The following ASXL2 variants were observed in gnomAD, a reference collection of about 807,000 sequenced individuals.
ASXL2 encodes the protein putative Polycomb group protein ASXL2.
Under a neutral mutation model 122.0 loss-of-function variants are expected in ASXL2, and 23 were observed. The observed-to-expected ratio is 0.19, with a 90% CI of 0.14 to 0.27. The LOEUF (loss-of-function observed/expected upper bound fraction) is 0.27. ASXL2 is among the 10% of genes least tolerant of loss of function. The pLI is 1.00. For synonymous variants in ASXL2, 650 were observed against 637.0 expected (o/e 1.02, Z -0.31); for missense variants, 1,518 against 1,713.8 (o/e 0.89, Z 2.02).
chr2:25,784,791 T>C (rs1024424466), intron 5 of ASXL2, among the ~76,000 whole-genome samples: 3 of 152,226 alleles, frequency 2.0e-5, no homozygotes, highest in Non-Finnish European at 2.9e-5. Context: ...CCCACCCTAC[T>C]ACAGTATGAC....
intron 9 of ASXL2, among the ~76,000 whole-genome samples, chr2:25,756,465 GAAAAAAAAAAGAA>G (rs980738562): frequency 6.6e-5 from 6 of 91,420 alleles, no homozygotes; most frequent in South Asian, 3.7e-4. Context: ...AAAAAAAAAA[GAAAAAAAAAAGAA>G]AAAAAAAAAA....
intron 5 of ASXL2, among the ~76,000 whole-genome samples, chr2:25,791,384 G>C (rs944536764): frequency 6.6e-6 from 1 of 151,892 alleles, no homozygotes; most frequent in Non-Finnish European, 1.5e-5. Context: ...CTACTCAGGA[G>C]GCTGAGGCAG....
chr2:25,740,548 G>T lies in ASXL2; in HGVS notation c.*1481C>A. The T allele has an allele frequency of 4.4e-6, 1 of 228,978 alleles. No individual in the cohort carries two copies. 14.2% of individuals were successfully genotyped at this position (228,978 alleles called of 1,614,324 possible). On this transcript the variant is annotated 3_prime_UTR_variant, in exon 13 of 13. Transcript: ENST00000435504. ...AATACAAAATTCTGTTAAACTGCAGGTTTATTTTAATGTTCCTTAACCATG... is the reference window on the plus strand; with the variant it reads ...AATACAAAATTCTGTTAAACTGCAGTTTTATTTTAATGTTCCTTAACCATG...
intron 3 of ASXL2, among the ~76,000 whole-genome samples, chr2:25,826,534 A>G (rs186091388): frequency 2.0e-5 from 3 of 152,272 alleles, no homozygotes; most frequent in Admixed American, 2.0e-4. Context: ...TCCTAGAGAT[A>G]TTCTCCCTTG....
chr2:25,834,785 T>C (rs1339292418), intron 3 of ASXL2, among the ~76,000 whole-genome samples: 12 of 152,124 alleles, frequency 7.9e-5, no homozygotes, highest in Admixed American at 7.9e-4. Context: ...TTTTAACCCA[T>C]TCTGCCCTGG....
In ASXL2 at chr2:25,738,864, CTTA is replaced by C. The variant is rs1377395416; in HGVS notation, c.*3162_*3164del. The C allele has an allele frequency of 6.6e-6, 1 of 152,158 alleles. No homozygotes were observed. The highest frequency in any genetic ancestry group is 2.4e-5 in the African/African-American group (1 of 41,428). 9.4% of individuals were successfully genotyped at this position (152,158 alleles called of 1,614,324 possible). ...ACCCCAAGTTTCCCATTTGCCAGCT[CTTA>C]TTCTTAGAAATGTTACATGAAATAC... is the stretch of plus-strand genomic sequence containing the variant. On this transcript the variant is annotated 3_prime_UTR_variant, in exon 13 of 13. Transcript: ENST00000435504.
At position 25,737,976 on chromosome 2, in the gene ASXL2, CTTG is replaced by C. The variant is rs1206607230; in HGVS notation, c.*4050_*4052del. ...TTACAGCCAGAAGGGAAAAAAATAG[CTTG>C]TGGTAAATAAGTCAATTTTCTTTTA... On this transcript the variant is annotated 3_prime_UTR_variant, in exon 13 of 13. Coordinates refer to ENST00000435504, the MANE Select transcript of ASXL2 (RefSeq NM_018263.6). 1 of 152,090 alleles carries C rather than the reference CTTG, an allele frequency of 6.6e-6. No homozygotes were observed. Among genetic ancestry groups the C allele is most frequent in the Non-Finnish European group, 1.5e-5 (1 of 68,000 alleles). The allele number at this position is 152,090 out of a possible 1,614,324, so 9.4% of individuals were successfully genotyped here.
At chr2:25,769,242 C>T (rs935311317) in intron 6 of ASXL2, among the ~76,000 whole-genome samples, 1 of 152,082 alleles carries the variant, frequency 6.6e-6, no homozygotes, top group African/African-American at 2.4e-5. Context: ...AGAGACAGTA[C>T]GTTTTCAATC....
chr2:25,758,164 T>C (rs940954450), intron 9 of ASXL2, among the ~76,000 whole-genome samples: 3 of 152,246 alleles, frequency 2.0e-5, no homozygotes, highest in African/African-American at 7.2e-5. Flanking sequence ...TCCTTTGACA[T>C]GTTCTGATTC....
At chr2:25,808,982 G>A (rs1370431456) in intron 3 of ASXL2, among the ~76,000 whole-genome samples, 1 of 152,178 alleles carries the variant, frequency 6.6e-6, no homozygotes, top group Non-Finnish European at 1.5e-5. Flanking sequence ...CAAACCCAAA[G>A]AAGCAAAGCT....
intron 11 of ASXL2, among the ~76,000 whole-genome samples, chr2:25,751,928 C>T (rs1276852519): frequency 6.6e-6 from 1 of 152,002 alleles, no homozygotes; most frequent in East Asian, 1.9e-4. Context: ...CACCACTACA[C>T]CCAGCTAATT....
chr2:25,765,100 T>C (rs2088320896), intron 8 of ASXL2, among the ~76,000 whole-genome samples: 2 of 152,228 alleles, frequency 1.3e-5, no homozygotes, highest in African/African-American at 2.4e-5. Context: ...ATAAAAATGA[T>C]ACCAATGTCA....
At chr2:25,867,752 C>T (rs527355008) in intron 1 of ASXL2, among the ~76,000 whole-genome samples, 22 of 152,212 alleles carry the variant, frequency 1.4e-4, no homozygotes, top group Non-Finnish European at 3.1e-4. Flanking sequence ...CTACACAACA[C>T]TCACAGGTTA....
intron 1 of ASXL2, chr2:25,856,529 T>A: frequency 8.9e-7 from 1 of 1,122,586 alleles, no homozygotes. Context: ...GCCTCCTCAA[T>A]CCTCAAATGA....
At position 25,744,739 on chromosome 2, in the gene ASXL2, CA is replaced by C. The variant is rs1390663858; in HGVS notation, c.1861-264del. ...AATCCCCACACCTCTTTTCCTATCT[CA>C]ACTCCCTCCTAATGCCACTATTACA... is the stretch of plus-strand genomic sequence containing the variant. On this transcript the variant is annotated intron_variant, in intron 12 of 12. Transcript: ENST00000435504. The surrounding 1 kb of genome is among the most constrained non-coding windows in gnomAD (Gnocchi z 4.7). Among the ~76,000 whole-genome samples, 1 of 152,192 alleles carries C rather than the reference CA, an allele frequency of 6.6e-6. No individual in the cohort carries two copies. The highest frequency in any genetic ancestry group is 2.4e-5 in the African/African-American group (1 of 41,454).
At chr2:25,818,313 A>T (rs376562907) in intron 3 of ASXL2, among the ~76,000 whole-genome samples, 3 of 152,240 alleles carry the variant, frequency 2.0e-5, no homozygotes, top group African/African-American at 7.2e-5. Context: ...GATCGAGATC[A>T]GCCTGGCCAA....
At chr2:25,809,809 G>A (rs2089139253) in intron 3 of ASXL2, 2 of 432,056 alleles carry the variant, frequency 4.6e-6, no homozygotes, top group Admixed American at 5.3e-5. Context: ...AGGGGAGGTG[G>A]GGGCAGCGAA....
Position 25,878,243 on chromosome 2 carries a change from G to A in ASXL2, c.-21C>T. On this transcript the variant is annotated 5_prime_UTR_variant, in exon 1 of 13. Coordinates refer to ENST00000435504, the MANE Select transcript of ASXL2 (RefSeq NM_018263.6). ...CTCATGTCGGGTCTTGAACTGACTG[G>A]GAGGCTCCCGTGTCCGGGCTCCGGC... 2.5e-6 allele frequency: 4 copies of A among 1,613,380 alleles called. No homozygotes were observed. Among genetic ancestry groups the A allele is most frequent in the South Asian group, 2.2e-5 (2 of 91,058 alleles).
intron 5 of ASXL2, among the ~76,000 whole-genome samples, chr2:25,785,623 T>C (rs1453850642): frequency 1.3e-5 from 2 of 152,304 alleles, no homozygotes; most frequent in African/African-American, 2.4e-5. Context: ...CTTGGCTCAC[T>C]GCAACCTCCA....
Sources: allele counts gnomAD v4.1 joint callset (sites outside exome capture counted in the v4.1 genomes callset), GRCh38; gene constraint gnomAD v4.1.1; non-coding constraint Gnocchi (gnomAD v3.1); transcripts MANE v1.5; gene names NCBI Gene and HGNC (gene_info 2026-07-23, HGNC 2026-07-21).